The following BEGAIN variants were observed in gnomAD, a reference collection of about 807,000 sequenced individuals.
BEGAIN encodes brain enriched guanylate kinase associated.
In BEGAIN, 19 loss-of-function variants were observed where a neutral mutation model predicts 35.8. The observed-to-expected ratio is 0.53, with a 90% confidence interval of 0.37 to 0.78. The LOEUF is 0.78. Ranked by LOEUF, BEGAIN falls within the 30% of genes least tolerant of loss-of-function variation. The probability of loss-of-function intolerance (pLI) is 0.00; values close to 1 mark genes in which losing one functional copy is unlikely to be tolerated. For missense variants in BEGAIN, 795 were observed against 853.6 expected, an observed-to-expected ratio of 0.93 and a Z score of 0.85; for synonymous variants, 462 against 388.6, an observed-to-expected ratio of 1.19 and a Z score of -2.22.
intron 5 of BEGAIN, among the ~76,000 whole-genome samples, chr14:100,542,372 A>G (rs2031756563): frequency 6.6e-6 from 1 of 152,176 alleles, no homozygotes. Flanking sequence ...ACTCCCTCCC[A>G]GGCATCCTTG....
intron 2 of BEGAIN, among the ~76,000 whole-genome samples, chr14:100,560,429 C>A (rs556756002): frequency 6.6e-6 from 1 of 152,366 alleles, no homozygotes; most frequent in South Asian, 2.1e-4. Context: ...GGAAGCCCAG[C>A]CATGTGCCTC....
In BEGAIN at chr14:100,538,272, C is replaced by T; in HGVS notation, c.1536G>A (p.Leu512=). 6.4e-7 allele frequency: 1 copy of T among 1,565,780 alleles called. No homozygotes were observed. The highest frequency in any genetic ancestry group is 8.6e-7 in the Non-Finnish European group (1 of 1,163,936). Reference sequence around the variant, plus strand: ...TGAGGCTCAGGTCGCCGCCCGCCCGCAGGAAGCAGGGCTCTGCCAGGTGGC... The same window carrying T: ...TGAGGCTCAGGTCGCCGCCCGCCCGTAGGAAGCAGGGCTCTGCCAGGTGGC... ...SQGHLAEPCF[L]RAGGDLSLSP... is the part of the protein sequence containing the mutation. Residue 512 remains leucine, a synonymous_variant, in exon 7 of 7, where the codon CTG becomes CTA. Coordinates refer to ENST00000554140, the MANE Select transcript of BEGAIN (RefSeq NM_001385089.1).
chr14:100,551,856 C>T (rs1186262577), intron 2 of BEGAIN, among the ~76,000 whole-genome samples: 3 of 151,962 alleles, frequency 2.0e-5, no homozygotes, highest in Admixed American at 6.6e-5. Context: ...GATGCCCCAG[C>T]GCATGGTGGG....
intron 1 of BEGAIN, among the ~76,000 whole-genome samples, chr14:100,579,584 G>A (rs1595152860): frequency 6.6e-6 from 1 of 152,366 alleles, no homozygotes; most frequent in Non-Finnish European, 1.5e-5. Flanking sequence ...TTGGAGCGAG[G>A]CTGAGGCCCT....
intron 1 of BEGAIN, among the ~76,000 whole-genome samples, chr14:100,584,937 TA>T (rs1418330496): frequency 2.6e-5 from 4 of 151,984 alleles, no homozygotes; most frequent in Non-Finnish European, 5.9e-5. Context: ...TTACCTCCCT[TA>T]GGGGGAGGAG....
chr14:100,545,149 G>T, intron 3 of BEGAIN, 83 bp from the exon 4 acceptor site: 1 of 1,600,500 alleles, frequency 6.2e-7, no homozygotes, highest in African/African-American at 1.3e-5. Context: ...TGCTGAGCAG[G>T]GTGGGGCTGA....
At chr14:100,569,399 C>T (rs1370122203) in intron 1 of BEGAIN, 2 of 152,548 alleles carry the variant, frequency 1.3e-5, no homozygotes, top group African/African-American at 2.4e-5. Flanking sequence ...CAGCGCGACC[C>T]CCACACCGCT....
At chr14:100,572,932 A>G (rs2035116649) in intron 1 of BEGAIN, among the ~76,000 whole-genome samples, 1 of 152,064 alleles carries the variant, frequency 6.6e-6, no homozygotes, top group African/African-American at 2.4e-5. Context: ...AGCACTGGTC[A>G]GACTGGATGA....
chr14:100,555,036 GGGAGAA>G (rs1193735569), intron 2 of BEGAIN, among the ~76,000 whole-genome samples: 1 of 152,232 alleles, frequency 6.6e-6, no homozygotes, highest in Admixed American at 6.5e-5. Context: ...TATCAGCCCT[GGGAGAA>G]GGTCTTTGTC....
At chr14:100,564,314 G>A (rs539502549) in intron 2 of BEGAIN, among the ~76,000 whole-genome samples, 6 of 152,210 alleles carry the variant, frequency 3.9e-5, no homozygotes, top group African/African-American at 1.2e-4. Context: ...GGGGGAAAAC[G>A]TGGACACCAA....
chr14:100,538,793 C>G lies in BEGAIN; in HGVS notation c.1015G>C (p.Ala339Pro). ...TTCAGGTAGATGGCCTGCTGCGACG[C>G]GGTCAGCGTGCTGGCCTGCGCGTGC... ...KEHAQASTLT[A>P]SQQAIYLNSR... Residue 339 changes from alanine (A) to proline (P), a missense_variant, in exon 7 of 7, where the codon GCG becomes CCG. Around this residue, in one of 3 missense-constraint regions of BEGAIN, gnomAD observed 664 missense variants for 647.7 expected, o/e 1.03. Coordinates refer to ENST00000554140, the MANE Select transcript of BEGAIN (RefSeq NM_001385089.1). The G allele has an allele frequency of 6.3e-7, 1 of 1,597,682 alleles. No homozygotes were observed. The highest frequency in any genetic ancestry group is 1.1e-5 in the South Asian group (1 of 88,464).
At chr14:100,587,184 G>A in intron 1 of BEGAIN, 65 bp downstream of exon 1, 1 of 174,968 alleles carries the variant, frequency 5.7e-6, no homozygotes, top group Non-Finnish European at 1.2e-5. Flanking sequence ...CCCAGGCGTG[G>A]GTGGCGCCCG....
chr14:100,570,998 T>C (rs1273177064), intron 1 of BEGAIN, among the ~76,000 whole-genome samples: 6 of 151,964 alleles, frequency 3.9e-5, no homozygotes, highest in Admixed American at 1.3e-4. Context: ...GCCCCAGGGT[T>C]CCCACTGTGA....
At position 100,563,535 on chromosome 14, in the gene BEGAIN, T is replaced by A. The variant is rs542013204; in HGVS notation, c.71+4376A>T. 6.6e-6 allele frequency among the ~76,000 whole-genome samples: 1 copy of A among 152,166 alleles called. No individual in the cohort carries two copies. The highest frequency in any genetic ancestry group is 1.5e-5 in the Non-Finnish European group (1 of 68,032). Reference sequence around the variant, plus strand: ...CCACAAATCAATGGGAAAAACACCTTGGTAGAAAATGCGCACGGCCTTCGC... The same window carrying A: ...CCACAAATCAATGGGAAAAACACCTAGGTAGAAAATGCGCACGGCCTTCGC... On this transcript the variant is annotated intron_variant, in intron 2 of 6. Transcript: ENST00000554140. This position sits in a 1 kb window ranked among gnomAD's most constrained non-coding sequence, Gnocchi z 4.2.
At chr14:100,546,778 GCGCACACACACACACA>G (rs1377503258) in intron 2 of BEGAIN, 116 bp from the exon 3 acceptor site, 21 of 542,170 alleles carry the variant, frequency 3.9e-5, no homozygotes, top group Admixed American at 3.0e-4. Context: ...GCGCGCGCGC[GCGCACACACACACACA>G]CACACACACA....
chr14:100,567,622 G>T lies in BEGAIN; in HGVS notation c.71+289C>A, dbSNP rs2034813250. Among the ~76,000 whole-genome samples, 1 of 151,780 alleles carries T rather than the reference G, an allele frequency of 6.6e-6. No homozygotes were observed. Among genetic ancestry groups the T allele is most frequent in the South Asian group, 2.1e-4 (1 of 4,824 alleles). ...GGGAGCCAGAGGGGCGCTGAGGACC[G>T]CACAGGACCAGGCGGCCCCGGGTAG... On this transcript the variant is annotated intron_variant, in intron 2 of 6. Coordinates refer to ENST00000554140, the MANE Select transcript of BEGAIN (RefSeq NM_001385089.1). The surrounding 1 kb of genome is among the most constrained non-coding windows in gnomAD (Gnocchi z 5.1).
chr14:100,562,916 C>T (rs970115693), intron 2 of BEGAIN, among the ~76,000 whole-genome samples: 4 of 152,184 alleles, frequency 2.6e-5, no homozygotes, highest in Non-Finnish European at 5.9e-5. Flanking sequence ...GCGCCGACAG[C>T]AGCCTCTGGT....
At chr14:100,577,959 G>C (rs1188903300) in intron 1 of BEGAIN, 1 of 399,146 alleles carries the variant, frequency 2.5e-6, no homozygotes, top group Non-Finnish European at 4.4e-6. Flanking sequence ...GCATCCTCCT[G>C]AGTCAGTCCA....
In BEGAIN at chr14:100,538,124, C is replaced by A; in HGVS notation, c.1684G>T (p.Asp562Tyr). 1 of 1,550,396 alleles carries A rather than the reference C, an allele frequency of 6.4e-7. No individual in the cohort carries two copies. Among genetic ancestry groups the A allele is most frequent in the Non-Finnish European group, 8.7e-7 (1 of 1,151,144 alleles). Residue 562 changes from aspartate (D) to tyrosine (Y), a missense_variant, in exon 7 of 7, where the codon GAC (aspartate) becomes TAC (tyrosine). Asp to Tyr is a radical substitution (Grantham distance 160, BLOSUM62 -3). Transcript: ENST00000554140. ...SSPEPEQGSR[D>Y]SLEPSSMEAS... ...TCCATGGAGCTCGGCTCCAAGGAGTCCCTGGAACCCTGCTCGGGCTCAGGG... is the reference window on the plus strand; with the variant it reads ...TCCATGGAGCTCGGCTCCAAGGAGTACCTGGAACCCTGCTCGGGCTCAGGG...
Sources: allele counts gnomAD v4.1 joint callset (sites outside exome capture counted in the v4.1 genomes callset), GRCh38; gene constraint gnomAD v4.1.1; regional missense constraint gnomAD v4.1.1; non-coding constraint Gnocchi (gnomAD v3.1); transcripts MANE v1.5; gene names NCBI Gene and HGNC (gene_info 2026-07-23, HGNC 2026-07-21).